The following PLD5 variants were observed in gnomAD, a reference collection of about 807,000 sequenced individuals.
The protein encoded by PLD5 is phospholipase D family member 5.
In PLD5, 36 loss-of-function variants were observed where a neutral mutation model predicts 61.1. The observed-to-expected ratio is 0.59, with a 90% CI of 0.45 to 0.78. PLD5 has a LOEUF of 0.78. Ranked by LOEUF, PLD5 falls within the 30% of genes least tolerant of loss-of-function variation. The pLI, the probability that PLD5 is intolerant of heterozygous loss-of-function variation, is 0.00. For missense variants in PLD5, 515 were observed against 644.4 expected, an observed-to-expected ratio of 0.80 and a Z score of 2.17; for synonymous variants, 243 against 242.8, an observed-to-expected ratio of 1.00 and a Z score of -0.01.
chr1:242,167,076 TAGTAATA>T (rs200891271), intron 5 of PLD5, among the ~76,000 whole-genome samples: 24,684 of 77,304 alleles, frequency 0.32, 2,382 homozygotes, highest in South Asian at 0.45. Flanking sequence ...ACAATAATAA[TAGTAATA>T]ATAATAATAA....
chr1:242,512,374 C>T lies in PLD5; in HGVS notation c.189+11714G>A, dbSNP rs181354322. 5.7e-3 allele frequency among the ~76,000 whole-genome samples: 836 copies of T among 146,466 alleles called. 8 individuals carry two copies. Among genetic ancestry groups the T allele is most frequent in the African/African-American group, 0.02 (778 of 38,914 alleles). On this transcript the variant is annotated intron_variant, in intron 1 of 9. Transcript: ENST00000536534. The stretch of plus-strand genomic sequence containing the variant: ...GGCAGAGCTTGCAGTGAGCCAAGAT[C>T]GTGCCACTGCACTCCAGCCCGGGTG...
chr1:242,525,616 G>A (rs1275472034), upstream of PLD5, among the ~76,000 whole-genome samples: 1 of 152,176 alleles, frequency 6.6e-6, no homozygotes, highest in East Asian at 1.9e-4. Context: ...CTGGTGTTCA[G>A]GGTGTCTCGT....
intron 6 of PLD5, 153 bp downstream of exon 6, chr1:242,124,315 G>A: frequency 1.6e-6 from 1 of 642,592 alleles, no homozygotes; most frequent in South Asian, 2.1e-5. Flanking sequence ...ATGATTGCGT[G>A]TAAGGGTGGA....
chr1:242,449,468 C>A, intron 1 of PLD5: 1 of 1,533,320 alleles, frequency 6.5e-7, no homozygotes, highest in South Asian at 1.2e-5. Context: ...TTTCATGTGG[C>A]ACAAACGTAT....
At position 242,207,776 on chromosome 1, in the gene PLD5, ATATATATT is replaced by A. The variant is rs1454096752; in HGVS notation, c.735+12204_735+12211del. 2.8e-4 allele frequency among the ~76,000 whole-genome samples: 29 copies of A among 104,382 alleles called. 3 individuals carry two copies. Among genetic ancestry groups the A allele is most frequent in the African/African-American group, 1.5e-3 (27 of 18,152 alleles). The allele number at this position is 104,382 out of a possible 152,430, so 68.5% of individuals were successfully genotyped here. A position where few individuals can be genotyped will look rare whatever the true frequency, so the allele number is the denominator to read the frequency against. ...TATATATTTATATTTATATATATTT[ATATATATT>A]TATATTTATATATATTTATATATAT... is the stretch of plus-strand genomic sequence containing the variant. On this transcript the variant is annotated intron_variant, in intron 5 of 9. Coordinates refer to ENST00000536534, the MANE Select transcript of PLD5 (RefSeq NM_001372062.1).
intron 1 of PLD5, among the ~76,000 whole-genome samples, chr1:242,472,089 A>C (rs1279551311): frequency 1.3e-5 from 2 of 152,196 alleles, no homozygotes; most frequent in Non-Finnish European, 2.9e-5. Context: ...TGAACTTAAA[A>C]CTGTGGAAAA....
At chr1:242,127,252 T>C (rs539616891) in intron 5 of PLD5, among the ~76,000 whole-genome samples, 35 of 152,346 alleles carry the variant, frequency 2.3e-4, no homozygotes, top group African/African-American at 8.2e-4. Context: ...TGGAGATTCC[T>C]TAAAGAATTA....
At position 242,256,223 on chromosome 1, in the gene PLD5, C is replaced by G. The variant is rs1673004902; in HGVS notation, c.607+9114G>C. ...GAGGGCTGAGCACTGTCACTGTGACCAAGAGTTCACCCCAAGAGCATGCTT... is the reference window on the plus strand; with the variant it reads ...GAGGGCTGAGCACTGTCACTGTGACGAAGAGTTCACCCCAAGAGCATGCTT... On this transcript the variant is annotated intron_variant, in intron 4 of 9. Transcript: ENST00000536534. This position sits in a 1 kb window ranked among gnomAD's most constrained non-coding sequence, Gnocchi z 5.7. Among the ~76,000 whole-genome samples, 1 of 152,036 alleles carries G rather than the reference C, an allele frequency of 6.6e-6. No individual in the cohort carries two copies. Among genetic ancestry groups the G allele is most frequent in the Non-Finnish European group, 1.5e-5 (1 of 68,034 alleles).
chr1:242,506,751 G>C (rs900376839), intron 1 of PLD5, among the ~76,000 whole-genome samples: 7 of 152,166 alleles, frequency 4.6e-5, no homozygotes, highest in African/African-American at 1.7e-4. Flanking sequence ...GAAACCAAGA[G>C]GTCAGTGTGG....
chr1:242,367,697 T>A (rs531747248), intron 1 of PLD5, among the ~76,000 whole-genome samples: 1 of 152,094 alleles, frequency 6.6e-6, no homozygotes, highest in East Asian at 1.9e-4. Flanking sequence ...TCCAAAAATT[T>A]GAGAAAAGCC....
chr1:242,110,360 G>T (rs183996712), intron 7 of PLD5, among the ~76,000 whole-genome samples: 18 of 151,932 alleles, frequency 1.2e-4, no homozygotes, highest in African/African-American at 4.3e-4. Flanking sequence ...TGTACCTCAG[G>T]TACATTCAAG....
intron 9 of PLD5, among the ~76,000 whole-genome samples, chr1:242,096,538 C>T (rs570047991): frequency 4.1e-4 from 62 of 151,876 alleles, no homozygotes; most frequent in Middle Eastern, 3.4e-3. Context: ...GACGGGGTTT[C>T]ACCATGTTGC....
chr1:242,272,463 G>A (rs1470725611), intron 3 of PLD5, among the ~76,000 whole-genome samples: 6 of 151,872 alleles, frequency 4.0e-5, no homozygotes, highest in Admixed American at 1.3e-4. Context: ...TTCGTTTGTG[G>A]AACATTTACA....
chr1:242,467,744 T>C (rs1215516138), intron 1 of PLD5, among the ~76,000 whole-genome samples: 1 of 152,196 alleles, frequency 6.6e-6, no homozygotes, highest in Non-Finnish European at 1.5e-5. Flanking sequence ...AGGTGGTGTG[T>C]GTGCATGGGA....
intron 8 of PLD5, among the ~76,000 whole-genome samples, chr1:242,103,608 A>T (rs1660842921): frequency 6.6e-6 from 1 of 152,200 alleles, no homozygotes; most frequent in Non-Finnish European, 1.5e-5. Context: ...ATTAGACTCC[A>T]TTCTCCTGTG....
intron 2 of PLD5, among the ~76,000 whole-genome samples, chr1:242,310,773 G>A (rs1377887376): frequency 6.6e-6 from 1 of 152,200 alleles, no homozygotes; most frequent in Non-Finnish European, 1.5e-5. Context: ...TGGGGCTGGA[G>A]GAGATTATGA....
chr1:242,399,273 G>A (rs1219529085), intron 1 of PLD5, among the ~76,000 whole-genome samples: 3 of 152,110 alleles, frequency 2.0e-5, no homozygotes, highest in Non-Finnish European at 4.4e-5. Context: ...CTGTACCAGA[G>A]GTTTTCTCAG....
intron 1 of PLD5, among the ~76,000 whole-genome samples, chr1:242,412,108 A>G (rs76900892): frequency 6.6e-6 from 1 of 152,188 alleles, no homozygotes; most frequent in Non-Finnish European, 1.5e-5. Flanking sequence ...GACTCATCTC[A>G]TCCTGTCTTT....
chr1:242,243,671 T>C (rs1672194319), intron 4 of PLD5, among the ~76,000 whole-genome samples: 1 of 152,152 alleles, frequency 6.6e-6, no homozygotes, highest in South Asian at 2.1e-4. Flanking sequence ...TTTGGGAAAC[T>C]CTTCCTAGGC....
Sources: gnomAD v4.1 joint callset for allele counts (sites outside exome capture counted in the v4.1 genomes callset) on GRCh38, gnomAD v4.1.1 for gene constraint, Gnocchi (gnomAD v3.1) non-coding constraint, MANE v1.5 for transcripts, NCBI Gene and HGNC (gene_info 2026-07-23, HGNC 2026-07-21) for gene names.